Variants in PCDHGA4 observed in about 807,000 individuals in gnomAD.
The protein encoded by PCDHGA4 is protocadherin gamma subfamily A, 4.
A neutral mutation model predicts 54.6 loss-of-function variants in PCDHGA4; 38 were observed. That is an observed-to-expected ratio of 0.70 (90% CI 0.54 to 0.91). The LOEUF (loss-of-function observed/expected upper bound fraction) is 0.91. PCDHGA4 is among the 40% of genes least tolerant of loss of function. PCDHGA4 has a pLI of 0.00. For missense variants in PCDHGA4, 1,298 were observed against 1,220.9 expected, an observed-to-expected ratio of 1.06 and a Z score of -0.94; for synonymous variants, 511 against 512.9, an observed-to-expected ratio of 1.00 and a Z score of 0.05.
chr5:141,434,072 A>G lies in PCDHGA4; in HGVS notation c.2515-60735A>G, dbSNP rs558084143. On this transcript the variant is annotated intron_variant, in intron 1 of 3. Coordinates refer to ENST00000571252, the MANE Select transcript of PCDHGA4 (RefSeq NM_018917.4). ...CAATGGCCTGTAATCTGTTAATATC[A>G]ATTATTTATTTTGATGCTGAAATTG... Among the ~76,000 whole-genome samples the G allele has an allele frequency of 1.9e-3, 289 of 152,072 alleles. 1 individual carries two copies. Among genetic ancestry groups the G allele is most frequent in the African/African-American group, 6.7e-3 (276 of 41,486 alleles).
intron 3 of PCDHGA4, among the ~76,000 whole-genome samples, chr5:141,508,937 G>T (rs764041162): frequency 3.0e-4 from 45 of 152,040 alleles, no homozygotes; most frequent in Non-Finnish European, 6.3e-4. Flanking sequence ...AGTTAATTAG[G>T]GAAAACAGAG....
chr5:141,487,864 C>A lies in PCDHGA4; in HGVS notation c.2515-6943C>A. On this transcript the variant is annotated intron_variant, in intron 1 of 3. Coordinates refer to ENST00000571252, the MANE Select transcript of PCDHGA4 (RefSeq NM_018917.4). The surrounding 1 kb of genome is among the most constrained non-coding windows in gnomAD (Gnocchi z 5.0). ...GTAAGAAATGAAAGTAATTGGTGAT[C>A]AAGAGCCAGGCTGTTGTGGAAGCAT... 1 of 899,610 alleles carries A rather than the reference C, an allele frequency of 1.1e-6. No individual in the cohort carries two copies. Among genetic ancestry groups the A allele is most frequent in the Non-Finnish European group, 1.7e-6 (1 of 599,584 alleles). The allele number at this position is 899,610 out of a possible 1,614,324, so 55.7% of individuals were successfully genotyped here.
chr5:141,433,017 A>G, intron 1 of PCDHGA4: 2 of 1,614,124 alleles, frequency 1.2e-6, no homozygotes, highest in Non-Finnish European at 8.5e-7. Context: ...CTGCAGACCT[A>G]TTCCCACGAG....
chr5:141,491,080 A>T lies in PCDHGA4; in HGVS notation c.2515-3727A>T. On this transcript the variant is annotated intron_variant, in intron 1 of 3. Transcript: ENST00000571252. This position sits in a 1 kb window ranked among gnomAD's most constrained non-coding sequence, Gnocchi z 6.9. ...CTCCTACTCACTGTTGCCACAGTCC[A>T]CAGCCCCAGGACTGTTCCTCGTGTC... The T allele has an allele frequency of 6.2e-7, 1 of 1,614,116 alleles. No individual in the cohort carries two copies. Among genetic ancestry groups the T allele is most frequent in the Non-Finnish European group, 8.5e-7 (1 of 1,179,994 alleles).
rs1561515319 is a variant in PCDHGA4 at position 141,357,584 on chromosome 5, A to C, written c.2477A>C (p.Gln826Pro). Residue 826 changes from glutamine (Q) to proline (P), a missense_variant, in exon 1 of 4, where the codon CAG becomes CCG. Transcript: ENST00000571252. ...AAAAGCGAGCCTCTTCTGATAACTC[A>C]GGATTTACTTGAAACAAAAGGAGAC... ...CEKSEPLLIT[Q>P]DLLETKGDPN... The C allele has an allele frequency of 6.2e-7, 1 of 1,614,210 alleles. No individual in the cohort carries two copies. The highest frequency in any genetic ancestry group is 2.2e-5 in the East Asian group (1 of 44,886).
chr5:141,488,714 A>G (rs2099678684), intron 1 of PCDHGA4, among the ~76,000 whole-genome samples: 1 of 152,192 alleles, frequency 6.6e-6, no homozygotes, highest in Non-Finnish European at 1.5e-5. Flanking sequence ...TGGTTCAAGC[A>G]AAGTGGTGGA....
At chr5:141,368,404 C>G (rs778461695) in intron 1 of PCDHGA4, among the ~76,000 whole-genome samples, 1 of 152,034 alleles carries the variant, frequency 6.6e-6, no homozygotes, top group Non-Finnish European at 1.5e-5. Context: ...AACACACATA[C>G]ATACACACAT....
At chr5:141,446,098 A>G (rs375135134) in intron 1 of PCDHGA4, among the ~76,000 whole-genome samples, 2 of 152,350 alleles carry the variant, frequency 1.3e-5, no homozygotes, top group African/African-American at 4.8e-5. Flanking sequence ...TGGATGAATT[A>G]TAGATATATT....
rs771681529 is a variant in PCDHGA4 at position 141,486,617 on chromosome 5, C to T, written c.2515-8190C>T. The T allele has an allele frequency of 1.2e-6, 2 of 1,613,602 alleles. No individual in the cohort carries two copies. Among genetic ancestry groups the T allele is most frequent in the Non-Finnish European group, 1.7e-6 (2 of 1,180,036 alleles). On this transcript the variant is annotated intron_variant, in intron 1 of 3. Coordinates refer to ENST00000571252, the MANE Select transcript of PCDHGA4 (RefSeq NM_018917.4). The surrounding 1 kb of genome is among the most constrained non-coding windows in gnomAD (Gnocchi z 5.0). ...GCTTTGCTCCCTTGCAGCCTCTGAC[C>T]CAGACTCTGGCTTGAATGCGCTTAT...
rs776543767 is a variant in PCDHGA4 at position 141,432,028 on chromosome 5, C to G, written c.2515-62779C>G. The G allele has an allele frequency of 6.2e-7, 1 of 1,614,168 alleles. No homozygotes were observed. The highest frequency in any genetic ancestry group is 2.2e-5 in the East Asian group (1 of 44,882). On this transcript the variant is annotated intron_variant, in intron 1 of 3. Transcript: ENST00000571252. This position sits in a 1 kb window ranked among gnomAD's most constrained non-coding sequence, Gnocchi z 6.0. ...TTCCTAGCTACAACATCACAGTGAC[C>G]GCCACTGACCGGGGAACCCCGCCCC...
In PCDHGA4 at chr5:141,486,610, C is replaced by G; in HGVS notation, c.2515-8197C>G. 6.2e-7 allele frequency: 1 copy of G among 1,613,620 alleles called. No homozygotes were observed. The highest frequency in any genetic ancestry group is 8.5e-7 in the Non-Finnish European group (1 of 1,180,038). On this transcript the variant is annotated intron_variant, in intron 1 of 3. Coordinates refer to ENST00000571252, the MANE Select transcript of PCDHGA4 (RefSeq NM_018917.4). This position sits in a 1 kb window ranked among gnomAD's most constrained non-coding sequence, Gnocchi z 5.0. ...GGGACCTGCTTTGCTCCCTTGCAGC[C>G]TCTGACCCAGACTCTGGCTTGAATG...
At chr5:141,433,951 A>G (rs2097667078) in intron 1 of PCDHGA4, among the ~76,000 whole-genome samples, 1 of 152,032 alleles carries the variant, frequency 6.6e-6, no homozygotes, top group African/African-American at 2.4e-5. Context: ...TGTTTCTTCT[A>G]CAGTTGTTAA....
At chr5:141,394,856 G>A (rs1008039711) in intron 1 of PCDHGA4, 1 of 1,613,792 alleles carries the variant, frequency 6.2e-7, no homozygotes, top group Non-Finnish European at 8.5e-7. Flanking sequence ...TGAAGCCTTC[G>A]GTCGACCCGA....
intron 1 of PCDHGA4, among the ~76,000 whole-genome samples, chr5:141,455,407 A>T (rs1273781307): frequency 1.3e-5 from 2 of 152,174 alleles, no homozygotes; most frequent in Non-Finnish European, 2.9e-5. Context: ...TTACAGAGAC[A>T]GAGGGAGCGG....
chr5:141,421,864 C>T (rs1561797174), intron 1 of PCDHGA4: 2 of 1,613,766 alleles, frequency 1.2e-6, no homozygotes, highest in Non-Finnish European at 1.7e-6. Context: ...CCTGCTCCTC[C>T]TCACAGCTTT....
At position 141,486,765 on chromosome 5, in the gene PCDHGA4, T is replaced by C; in HGVS notation, c.2515-8042T>C. On this transcript the variant is annotated intron_variant, in intron 1 of 3. Transcript: ENST00000571252. This position sits in a 1 kb window ranked among gnomAD's most constrained non-coding sequence, Gnocchi z 5.0. ...TTTGACTATGAGCAAACCCAGACACTGCAGTTTGAGGTGCAGGCCCGGGAT... is the reference window on the plus strand; with the variant it reads ...TTTGACTATGAGCAAACCCAGACACCGCAGTTTGAGGTGCAGGCCCGGGAT... 4 of 1,614,230 alleles carry C rather than the reference T, an allele frequency of 2.5e-6. No individual in the cohort carries two copies. Among genetic ancestry groups the C allele is most frequent in the Non-Finnish European group, 3.4e-6 (4 of 1,180,038 alleles).
chr5:141,413,134 G>A, intron 1 of PCDHGA4: 1 of 1,543,438 alleles, frequency 6.5e-7, no homozygotes, highest in South Asian at 1.3e-5. Flanking sequence ...AACACACAAC[G>A]TGTCCAGTGA....
rs553462245 is a variant in PCDHGA4 at position 141,511,198 on chromosome 5, A to T, written c.*25A>T. Reference sequence around the variant, plus strand: ...ACATGGAGGCCAGGCCAAGAGCCACAGGGCGGCCTCTCCCCAACCAGCCCA... The same window carrying T: ...ACATGGAGGCCAGGCCAAGAGCCACTGGGCGGCCTCTCCCCAACCAGCCCA... On this transcript the variant is annotated 3_prime_UTR_variant, in exon 4 of 4. Transcript: ENST00000571252. The T allele has an allele frequency of 2.7e-5, 43 of 1,612,954 alleles. 1 individual carries two copies. The South Asian group carries it at 4.5e-4, about 17-fold the overall frequency.
Position 141,485,365 on chromosome 5 carries a change from G to A in PCDHGA4, c.2515-9442G>A. 1 of 1,614,120 alleles carries A rather than the reference G, an allele frequency of 6.2e-7. No homozygotes were observed. Among genetic ancestry groups the A allele is most frequent in the Admixed American group, 1.7e-5 (1 of 60,018 alleles). ...CGGACAGTCTGTCAGCTCGCAGGCT[G>A]CAGGTCGCTGGAGAGGTGAACCAAA... On this transcript the variant is annotated intron_variant, in intron 1 of 3. Transcript: ENST00000571252. The surrounding 1 kb of genome is among the most constrained non-coding windows in gnomAD (Gnocchi z 5.7).
Sources: gnomAD v4.1 joint callset for allele counts (sites outside exome capture counted in the v4.1 genomes callset) on GRCh38, gnomAD v4.1.1 for gene constraint, Gnocchi (gnomAD v3.1) non-coding constraint, MANE v1.5 for transcripts, NCBI Gene and HGNC (gene_info 2026-07-23, HGNC 2026-07-21) for gene names.